The following C3orf20 variants were observed in gnomAD, a reference collection of about 807,000 sequenced individuals.
C3orf20 encodes family with sequence similarity 149 member C, also known as uncharacterized protein C3orf20.
Under a neutral mutation model 88.3 loss-of-function variants are expected in C3orf20, and 76 were observed. The observed-to-expected ratio is 0.86, with a 90% confidence interval of 0.72 to 1.04. C3orf20 has a LOEUF of 1.04. Ranked by LOEUF, C3orf20 falls within the 50% of genes least tolerant of loss-of-function variation. The pLI, the probability that C3orf20 is intolerant of heterozygous loss-of-function variation, is 0.00. For missense variants in C3orf20, 1,056 were observed against 1,123.3 expected (o/e 0.94, Z 0.86); for synonymous variants, 436 against 437.4 (o/e 1.00, Z 0.04).
Position 14,684,294 on chromosome 3 carries a change from C to A in C3orf20, c.537C>A (p.Leu179=), listed in dbSNP as rs1435501975. 1 of 1,614,172 alleles carries A rather than the reference C, an allele frequency of 6.2e-7. No individual in the cohort carries two copies. The highest frequency in any genetic ancestry group is 8.5e-7 in the Non-Finnish European group (1 of 1,180,030). Residue 179 remains leucine (L), a synonymous_variant, in exon 4 of 17, where the codon CTC becomes CTA. Transcript: ENST00000253697. ...ITRRFVEASQ[L]LHLNAKEMAF... ...GGCGCTTTGTGGAGGCCAGCCAGCT[C>A]CTCCACCTCAATGCCAAGGAGATGG...
At chr3:14,759,118 G>A (rs977332404) in intron 13 of C3orf20, among the ~76,000 whole-genome samples, 1 of 152,182 alleles carries the variant, frequency 6.6e-6, no homozygotes, top group African/African-American at 2.4e-5. Context: ...ATAAAGGAGT[G>A]GGCAGCAGGC....
At chr3:14,706,160 C>CT (rs1559409561) in intron 7 of C3orf20, among the ~76,000 whole-genome samples, 2 of 152,132 alleles carry the variant, frequency 1.3e-5, no homozygotes, top group African/African-American at 4.8e-5. Context: ...TTGGCCTCCT[C>CT]TTGACTGAAC....
At chr3:14,703,068 A>G (rs1255202323) in intron 5 of C3orf20, 62 bp from the exon 6 acceptor site, 20 of 1,587,570 alleles carry the variant, frequency 1.3e-5, no homozygotes, top group Non-Finnish European at 1.5e-5. Context: ...GGTGACACTG[A>G]TGCAAAAGGT....
intron 11 of C3orf20, among the ~76,000 whole-genome samples, chr3:14,727,912 G>A (rs932609178): frequency 1.3e-5 from 2 of 152,190 alleles, no homozygotes; most frequent in African/African-American, 2.4e-5. Flanking sequence ...GTCTTGGGGT[G>A]CCTCTGCATG....
At chr3:14,728,100 G>T (rs2034417428) in intron 11 of C3orf20, among the ~76,000 whole-genome samples, 2 of 152,240 alleles carry the variant, frequency 1.3e-5, no homozygotes, top group South Asian at 4.1e-4. Flanking sequence ...TCTCAAGGAA[G>T]GAATAGCATG....
intron 5 of C3orf20, among the ~76,000 whole-genome samples, chr3:14,694,336 A>T (rs781108879): frequency 1.2e-4 from 18 of 152,028 alleles, no homozygotes; most frequent in Non-Finnish European, 2.5e-4. Context: ...CTTTTCTGGG[A>T]GACTTTTTAT....
intron 12 of C3orf20, among the ~76,000 whole-genome samples, chr3:14,746,173 C>G (rs1459237868): frequency 2.6e-5 from 4 of 152,166 alleles, no homozygotes; most frequent in African/African-American, 9.7e-5. Flanking sequence ...TACACACAAA[C>G]CAGGCAGTCT....
chr3:14,749,125 CT>C (rs1168488911), intron 12 of C3orf20, among the ~76,000 whole-genome samples: 1 of 152,158 alleles, frequency 6.6e-6, no homozygotes, highest in African/African-American at 2.4e-5. Context: ...TATTTAGGGA[CT>C]CTATTGTTAC....
chr3:14,718,905 C>G (rs2034039463), intron 9 of C3orf20, among the ~76,000 whole-genome samples: 1 of 152,190 alleles, frequency 6.6e-6, no homozygotes, highest in South Asian at 2.1e-4. Flanking sequence ...TGGTGCTATC[C>G]TTTCTGGAAT....
chr3:14,714,225 G>A (rs1449871663), intron 8 of C3orf20, 66 bp downstream of exon 8: 3 of 1,560,648 alleles, frequency 1.9e-6, no homozygotes, highest in Non-Finnish European at 2.6e-6. Context: ...GGAGGACTGA[G>A]GTGGTGACTA....
chr3:14,771,186 A>T (rs2035850514), intron 15 of C3orf20, among the ~76,000 whole-genome samples: 1 of 152,216 alleles, frequency 6.6e-6, no homozygotes, highest in South Asian at 2.1e-4. Flanking sequence ...AAGTTATGAG[A>T]ACACAGCCAT....
At chr3:14,679,291 A>T (rs914537844) in intron 1 of C3orf20, among the ~76,000 whole-genome samples, 1 of 152,210 alleles carries the variant, frequency 6.6e-6, no homozygotes, top group Non-Finnish European at 1.5e-5. Flanking sequence ...TCCATGTCTC[A>T]GTGATGGAAA....
rs1398567603 is a variant in C3orf20, at chr3:14,675,204, T to C, written c.-347T>C. On this transcript the variant is annotated 5_prime_UTR_variant, in exon 1 of 17. Coordinates refer to ENST00000253697, the MANE Select transcript of C3orf20 (RefSeq NM_032137.5). ...GTCCTTTTAAGTCAGTAAATTGAAC[T>C]AAGTCGGTTATTCGGCAAGCAGTTC... is the stretch of plus-strand genomic sequence containing the variant. 4 of 152,184 alleles carry C rather than the reference T, an allele frequency of 2.6e-5. No individual in the cohort carries two copies. The highest frequency in any genetic ancestry group is 9.7e-5 in the African/African-American group (4 of 41,424). 9.4% of individuals were successfully genotyped at this position (152,184 alleles called of 1,614,324 possible).
intron 12 of C3orf20, among the ~76,000 whole-genome samples, chr3:14,744,693 T>C (rs959993960): frequency 5.3e-5 from 8 of 151,932 alleles, no homozygotes; most frequent in Non-Finnish European, 1.0e-4. Flanking sequence ...GGTGAAAGAC[T>C]CTTCTTACAT....
chr3:14,695,106 T>C (rs1356710518), intron 5 of C3orf20, among the ~76,000 whole-genome samples: 1 of 152,158 alleles, frequency 6.6e-6, no homozygotes, highest in Non-Finnish European at 1.5e-5. Context: ...TTTTTCTTCT[T>C]TTTGATGTAG....
chr3:14,715,336 A>G lies in C3orf20; in HGVS notation c.1361A>G (p.Asp454Gly). The G allele has an allele frequency of 6.2e-7, 1 of 1,612,616 alleles. No homozygotes were observed. The highest frequency in any genetic ancestry group is 8.5e-7 in the Non-Finnish European group (1 of 1,179,872). ...GATGAGGAAGGTGGGACCACCAATG[A>G]CCAGCAGGGCTATGTAGTCCACAAG... is the stretch of plus-strand genomic sequence containing the variant. ...ILDEEGGTTN[D>G]QQGYVVHKWS... Residue 454 changes from aspartate to glycine, a missense_variant, in exon 9 of 17, where the codon GAC becomes GGC. Transcript: ENST00000253697.
chr3:14,702,003 G>A (rs776813051), intron 5 of C3orf20, among the ~76,000 whole-genome samples: 8 of 152,022 alleles, frequency 5.3e-5, no homozygotes, highest in East Asian at 3.9e-4. Flanking sequence ...TCTTGGCCCC[G>A]TGTCCCCTGG....
chr3:14,705,516 G>C (rs1408065706), intron 7 of C3orf20, among the ~76,000 whole-genome samples: 1 of 152,226 alleles, frequency 6.6e-6, no homozygotes, highest in African/African-American at 2.4e-5. Context: ...AACTGTAATT[G>C]CTTCTTTTAA....
intron 12 of C3orf20, among the ~76,000 whole-genome samples, chr3:14,735,267 T>A (rs2034669402): frequency 6.6e-6 from 1 of 151,904 alleles, no homozygotes; most frequent in Admixed American, 6.6e-5. Flanking sequence ...GTTTGTTTGC[T>A]GTTTGACTCA....
Sources: allele counts gnomAD v4.1 joint callset (sites outside exome capture counted in the v4.1 genomes callset), GRCh38; gene constraint gnomAD v4.1.1; transcripts MANE v1.5; gene names NCBI Gene and HGNC (gene_info 2026-07-23, HGNC 2026-07-21).